Variants in ZNF614 observed in about 807,000 individuals in gnomAD.
ZNF614 encodes zinc finger protein 614.
Under a neutral mutation model 12.8 loss-of-function variants are expected in ZNF614, and 11 were observed. That is an observed-to-expected ratio of 0.86 (90% confidence interval 0.54 to 1.43). ZNF614 has a LOEUF of 1.43. Among genes scored for constraint, ZNF614 ranks in the 40% most tolerant of loss-of-function variants. The pLI is 0.00. For missense variants in ZNF614, 664 were observed against 708.8 expected, an observed-to-expected ratio of 0.94 and a Z score of 0.72; for synonymous variants, 237 against 237.5, an observed-to-expected ratio of 1.00 and a Z score of 0.02.
At chr19:52,020,352 T>G (rs1274703138) in intron 2 of ZNF614, among the ~76,000 whole-genome samples, 1 of 152,180 alleles carries the variant, frequency 6.6e-6, no homozygotes, top group Non-Finnish European at 1.5e-5. Flanking sequence ...AATTAGCACT[T>G]TACTATTGCA....
chr19:52,021,792 TA>T (rs200356915), intron 2 of ZNF614, among the ~76,000 whole-genome samples: 3 of 150,892 alleles, frequency 2.0e-5, no homozygotes, highest in Non-Finnish European at 3.0e-5. Context: ...TAAAAAGCTT[TA>T]AAAAAAATGA....
Position 52,015,711 on chromosome 19 carries a change from T to TCTG in ZNF614, c.*126_*128dup. 1 of 864,844 alleles carries TCTG rather than the reference T, an allele frequency of 1.2e-6. No homozygotes were observed. Among genetic ancestry groups the TCTG allele is most frequent in the Non-Finnish European group, 1.8e-6 (1 of 555,148 alleles). The allele number at this position is 864,844 out of a possible 1,614,324, so 53.6% of individuals were successfully genotyped here. A position where few individuals can be genotyped will look rare whatever the true frequency, so the allele number is the denominator to read the frequency against. On this transcript the variant is annotated 3_prime_UTR_variant, in exon 5 of 5. Transcript: ENST00000270649. Reference sequence around the variant, plus strand: ...TTCACCTCCTGAGGACAGACACACATCTGTCAACAGGCAGCACCATGTTTA... The same window carrying TCTG: ...TTCACCTCCTGAGGACAGACACACATCTGCTGTCAACAGGCAGCACCATGTTTA...
chr19:52,024,212 C>G (rs559088623), intron 2 of ZNF614, among the ~76,000 whole-genome samples: 1 of 152,060 alleles, frequency 6.6e-6, no homozygotes, highest in South Asian at 2.1e-4. Flanking sequence ...AACTGTCTTC[C>G]TGCATTTTTT....
chr19:52,025,591 G>T, intron 2 of ZNF614, 140 bp downstream of exon 2: 1 of 932,070 alleles, frequency 1.1e-6, no homozygotes, highest in South Asian at 1.6e-5. Context: ...AAGGCAGAAT[G>T]AACCCCCACC....
chr19:52,024,521 T>C (rs1245766059), intron 2 of ZNF614, among the ~76,000 whole-genome samples: 1 of 151,974 alleles, frequency 6.6e-6, no homozygotes, highest in Non-Finnish European at 1.5e-5. Flanking sequence ...TTACTGTGTC[T>C]ATGTAGAAAG....
rs768393342 is a variant in ZNF614 at position 52,016,501 on chromosome 19, G to T, written c.1097C>A (p.Thr366Asn). 3 of 1,614,028 alleles carry T rather than the reference G, an allele frequency of 1.9e-6. No homozygotes were observed. Among genetic ancestry groups the T allele is most frequent in the African/African-American group, 2.7e-5 (2 of 75,018 alleles). Residue 366 changes from threonine to asparagine, a missense_variant, in exon 5 of 5, where the codon ACT becomes AAT. Physicochemically the swap from Thr to Asn is moderately conservative, Grantham distance 65. Transcript: ENST00000270649. ...RYLVVHQRTH[T>N]GEKPYMCSEC... Reference sequence around the variant, plus strand: ...ACTGCACATATAGGGTTTCTCTCCAGTATGAGTTCGCTGATGTACAACAAG... The same window carrying T: ...ACTGCACATATAGGGTTTCTCTCCATTATGAGTTCGCTGATGTACAACAAG...
intron 2 of ZNF614, among the ~76,000 whole-genome samples, chr19:52,019,767 C>T (rs1398265316): frequency 6.6e-6 from 1 of 152,188 alleles, no homozygotes; most frequent in Non-Finnish European, 1.5e-5. Context: ...ATATCAAGGA[C>T]CTGTTTGTCA....
chr19:52,025,435 C>T (rs1245662589), intron 2 of ZNF614, among the ~76,000 whole-genome samples: 2 of 152,112 alleles, frequency 1.3e-5, no homozygotes, highest in Non-Finnish European at 2.9e-5. Flanking sequence ...ATTCTTCTCC[C>T]ACCTTAGCCT....
chr19:52,026,287 C>G (rs2086971875), intron 1 of ZNF614, among the ~76,000 whole-genome samples: 1 of 152,202 alleles, frequency 6.6e-6, no homozygotes, highest in Non-Finnish European at 1.5e-5. Context: ...CCATTTTGTT[C>G]TGTACTAAGA....
At chr19:52,018,921 T>C (rs2086917684) in intron 2 of ZNF614, among the ~76,000 whole-genome samples, 1 of 152,162 alleles carries the variant, frequency 6.6e-6, no homozygotes, top group Non-Finnish European at 1.5e-5. Context: ...CCAAATGGAG[T>C]GCAGTGTCAC....
rs1233686057 is a variant in ZNF614 at position 52,028,315 on chromosome 19, C to G, written c.-290G>C. 1 of 152,374 alleles carries G rather than the reference C, an allele frequency of 6.6e-6. No individual in the cohort carries two copies. The highest frequency in any genetic ancestry group is 1.5e-5 in the Non-Finnish European group (1 of 68,104). 9.4% of individuals were successfully genotyped at this position (152,374 alleles called of 1,614,324 possible). The stretch of plus-strand genomic sequence containing the variant: ...TCCACGTCCGAAAACGCTTCCTATT[C>G]AGACGCGCTCCTGCGCGGACTCCGG... On this transcript the variant is annotated 5_prime_UTR_variant, in exon 1 of 5. Coordinates refer to ENST00000270649, the MANE Select transcript of ZNF614 (RefSeq NM_025040.4).
chr19:52,017,237 A>G lies in ZNF614; in HGVS notation c.361T>C (p.Phe121Leu). The G allele has an allele frequency of 6.2e-7, 1 of 1,614,048 alleles. No homozygotes were observed. The highest frequency in any genetic ancestry group is 8.5e-7 in the Non-Finnish European group (1 of 1,180,018). Residue 121 changes from phenylalanine to leucine, a missense_variant, in exon 5 of 5, where the codon TTT becomes CTT. Coordinates refer to ENST00000270649, the MANE Select transcript of ZNF614 (RefSeq NM_025040.4). The stretch of plus-strand genomic sequence containing the variant: ...GTATCATGATTTTGCACTATAGGAA[A>G]ATGTGTCTTGCTGAGATGTACAATA... ...RNIVHLSKTH[F>L]PIVQNHDTFD...
At chr19:52,019,315 A>G (rs997489459) in intron 2 of ZNF614, among the ~76,000 whole-genome samples, 1 of 152,256 alleles carries the variant, frequency 6.6e-6, no homozygotes, top group Admixed American at 6.5e-5. Context: ...AAAGAAGTTA[A>G]TAAATATGAA....
chr19:52,016,394 T>C lies in ZNF614; in HGVS notation c.1204A>G (p.Ser402Gly), dbSNP rs1376176994. Residue 402 changes from serine to glycine, a missense_variant, in exon 5 of 5, where the codon AGC becomes GGC. Coordinates refer to ENST00000270649, the MANE Select transcript of ZNF614 (RefSeq NM_025040.4). ...SHTGEKSYICSECGKGFTVKR... is the reference protein window; with the variant it reads ...SHTGEKSYICGECGKGFTVKR... Reference sequence around the variant, plus strand: ...ACAGTGAAGCCTTTTCCACATTCGCTGCATATGTAAGATTTTTCTCCTGTG... The same window carrying C: ...ACAGTGAAGCCTTTTCCACATTCGCCGCATATGTAAGATTTTTCTCCTGTG... 3.1e-6 allele frequency: 5 copies of C among 1,614,064 alleles called. No homozygotes were observed. The highest frequency in any genetic ancestry group is 1.7e-5 in the Admixed American group (1 of 60,004).
At position 52,025,838 on chromosome 19, in the gene ZNF614, A is replaced by G; in HGVS notation, c.-93T>C. 1 of 1,372,120 alleles carries G rather than the reference A, an allele frequency of 7.3e-7. No homozygotes were observed. The highest frequency in any genetic ancestry group is 1.0e-6 in the Non-Finnish European group (1 of 980,488). 85.0% of individuals were successfully genotyped at this position (1,372,120 alleles called of 1,614,324 possible). A position where few individuals can be genotyped will look rare whatever the true frequency, so the allele number is the denominator to read the frequency against. On this transcript the variant is annotated 5_prime_UTR_variant, in exon 2 of 5. Transcript: ENST00000270649. ...TGAAGTTTTTGAAGTTTTCCTAGTC[A>G]GAAATATTAGTGTCCACTTAAAGTT...
In ZNF614 at chr19:52,025,819, T is replaced by A. The variant is rs1211840050; in HGVS notation, c.-74A>T. On this transcript the variant is annotated 5_prime_UTR_variant, in exon 2 of 5. Transcript: ENST00000270649. ...GTCTCTTCTGCATTTGCCATGAAGT[T>A]TTTGAAGTTTTCCTAGTCAGAAATA... The A allele has an allele frequency of 6.5e-7, 1 of 1,549,436 alleles. No individual in the cohort carries two copies. The highest frequency in any genetic ancestry group is 8.8e-7 in the Non-Finnish European group (1 of 1,136,176).
At chr19:52,026,531 A>T (rs556880088) in intron 1 of ZNF614, among the ~76,000 whole-genome samples, 1 of 152,324 alleles carries the variant, frequency 6.6e-6, no homozygotes, top group Non-Finnish European at 1.5e-5. Context: ...TCTGCCTAGG[A>T]AAACCAGGTA....
At position 52,025,849 on chromosome 19, in the gene ZNF614, T is replaced by C; in HGVS notation, c.-104A>G. The C allele has an allele frequency of 3.9e-6, 5 of 1,275,304 alleles. No homozygotes were observed. The highest frequency in any genetic ancestry group is 5.6e-6 in the Non-Finnish European group (5 of 897,184). 79.0% of individuals were successfully genotyped at this position (1,275,304 alleles called of 1,614,324 possible). On this transcript the variant is annotated 5_prime_UTR_variant, in exon 2 of 5. Transcript: ENST00000270649. ...AAGTTTTCCTAGTCAGAAATATTAG[T>C]GTCCACTTAAAGTTGTCCCCAGAAA...
At chr19:52,024,910 G>A (rs1422814517) in intron 2 of ZNF614, among the ~76,000 whole-genome samples, 2 of 152,162 alleles carry the variant, frequency 1.3e-5, no homozygotes, top group African/African-American at 2.4e-5. Context: ...GGGGATACCC[G>A]TAAAGGGTCT....
Sources: allele counts gnomAD v4.1 joint callset (sites outside exome capture counted in the v4.1 genomes callset), GRCh38; gene constraint gnomAD v4.1.1; transcripts MANE v1.5; gene names NCBI Gene and HGNC (gene_info 2026-07-23, HGNC 2026-07-21).